Variants in GRHL2 observed in about 807,000 individuals in gnomAD.
GRHL2 encodes grainyhead-like protein 2 homolog.
In GRHL2, 21 loss-of-function variants were observed where a neutral mutation model predicts 83.8. That is an observed-to-expected ratio of 0.25 (90% CI 0.18 to 0.36). GRHL2 has a LOEUF of 0.36. GRHL2 is among the 10% of genes least tolerant of loss of function. The pLI is 1.00. For missense variants in GRHL2, 623 were observed against 781.8 expected (o/e 0.80, Z 2.42); for synonymous variants, 280 against 278.9 (o/e 1.00, Z -0.04).
At chr8:101,633,654 T>C (rs1813230731) in intron 11 of GRHL2, among the ~76,000 whole-genome samples, 1 of 152,194 alleles carries the variant, frequency 6.6e-6, no homozygotes. Flanking sequence ...CCAGTCTTAC[T>C]TGTTGGATAA....
chr8:101,493,302 C>G (rs552217504), intron 1 of GRHL2, among the ~76,000 whole-genome samples: 1 of 152,194 alleles, frequency 6.6e-6, no homozygotes, highest in South Asian at 2.1e-4. Context: ...CTTCTCGCAC[C>G]GGGCAGGAGG....
At chr8:101,632,931 A>AT (rs1288457985) in intron 11 of GRHL2, among the ~76,000 whole-genome samples, 1 of 152,248 alleles carries the variant, frequency 6.6e-6, no homozygotes, top group East Asian at 1.9e-4. Context: ...TCAAACTAAC[A>AT]TAAATGTCCA....
At chr8:101,505,014 CA>C (rs1004580800) in intron 1 of GRHL2, among the ~76,000 whole-genome samples, 14 of 142,826 alleles carry the variant, frequency 9.8e-5, no homozygotes, top group African/African-American at 3.1e-4. Flanking sequence ...AATACAACAA[CA>C]AAAAAAAGGT....
At position 101,627,564 on chromosome 8, in the gene GRHL2, T is replaced by C. The variant is rs572090693; in HGVS notation, c.1258-4073T>C. On this transcript the variant is annotated intron_variant, in intron 9 of 15. Coordinates refer to ENST00000646743, the MANE Select transcript of GRHL2 (RefSeq NM_024915.4). ...ATGAAACCAAGCCAATGAATAAACC[T>C]ACAACGGCCCCTGAGTGTTCAAGTG... is the stretch of plus-strand genomic sequence containing the variant. Among the ~76,000 whole-genome samples the C allele has an allele frequency of 2.0e-5, 3 of 152,194 alleles. No homozygotes were observed. The South Asian group carries it at 6.2e-4, about 32-fold the overall frequency.
chr8:101,662,294 G>T (rs1393071756), intron 14 of GRHL2, among the ~76,000 whole-genome samples: 1 of 152,194 alleles, frequency 6.6e-6, no homozygotes, highest in African/African-American at 2.4e-5. Context: ...AATCTCATCA[G>T]TGATGGATTA....
At chr8:101,584,397 C>A (rs1404604568) in intron 7 of GRHL2, among the ~76,000 whole-genome samples, 1 of 152,020 alleles carries the variant, frequency 6.6e-6, no homozygotes, top group Non-Finnish European at 1.5e-5. Context: ...CAAAGCATTT[C>A]TTCACGTTTG....
chr8:101,599,211 T>A (rs1332189422), intron 8 of GRHL2, 60 bp downstream of exon 8: 13 of 1,148,674 alleles, frequency 1.1e-5, no homozygotes, highest in Non-Finnish European at 1.7e-5. Flanking sequence ...CAGCAGTTTA[T>A]TCTTTTTTAA....
At chr8:101,536,027 C>T (rs1811039154) in intron 1 of GRHL2, among the ~76,000 whole-genome samples, 1 of 152,078 alleles carries the variant, frequency 6.6e-6, no homozygotes, top group Non-Finnish European at 1.5e-5. Flanking sequence ...TTGATAAGAG[C>T]ACAATTTAGA....
At chr8:101,635,012 T>C (rs1269264907) in intron 11 of GRHL2, among the ~76,000 whole-genome samples, 2 of 152,164 alleles carry the variant, frequency 1.3e-5, no homozygotes, top group Non-Finnish European at 2.9e-5. Context: ...TGCAGCGGCA[T>C]CATCTTTTTA....
chr8:101,632,189 G>A (rs1813198417), intron 10 of GRHL2, 37 bp from the exon 11 acceptor site: 1 of 1,612,162 alleles, frequency 6.2e-7, no homozygotes, highest in East Asian at 2.2e-5. Context: ...AGTCATATAT[G>A]ACTCTCTCAT....
intron 5 of GRHL2, among the ~76,000 whole-genome samples, chr8:101,572,564 C>A (rs1225957972): frequency 6.6e-6 from 1 of 152,078 alleles, no homozygotes; most frequent in Non-Finnish European, 1.5e-5. Context: ...CTTCCAACGA[C>A]TATGAAATAA....
intron 14 of GRHL2, among the ~76,000 whole-genome samples, chr8:101,652,541 G>A (rs1586173608): frequency 9.5e-6 from 1 of 105,360 alleles, no homozygotes; most frequent in African/African-American, 5.4e-5. Context: ...TGGTGTGTGT[G>A]TGTGTGGTGT....
intron 1 of GRHL2, among the ~76,000 whole-genome samples, chr8:101,537,805 CACAA>C (rs1440847156): frequency 6.6e-6 from 1 of 152,174 alleles, no homozygotes; most frequent in African/African-American, 2.4e-5. Context: ...TTCCATAAAA[CACAA>C]ACAAACCAAT....
intron 4 of GRHL2, among the ~76,000 whole-genome samples, chr8:101,569,324 A>G (rs1395564998): frequency 6.6e-6 from 1 of 152,202 alleles, no homozygotes; most frequent in Non-Finnish European, 1.5e-5. Flanking sequence ...TAGTTTCCCC[A>G]GAAAACCTAC....
At chr8:101,579,102 A>G (rs1321530171) in intron 7 of GRHL2, among the ~76,000 whole-genome samples, 1 of 152,188 alleles carries the variant, frequency 6.6e-6, no homozygotes, top group Non-Finnish European at 1.5e-5. Flanking sequence ...AAACTAAACC[A>G]AGACCTGGTG....
chr8:101,609,740 A>G (rs1424445818), intron 8 of GRHL2, among the ~76,000 whole-genome samples: 2 of 150,944 alleles, frequency 1.3e-5, no homozygotes, highest in Non-Finnish European at 2.9e-5. Flanking sequence ...CATTTGTGTA[A>G]AATAGGAAAT....
At chr8:101,522,405 C>T (rs1810703738) in intron 1 of GRHL2, among the ~76,000 whole-genome samples, 1 of 152,128 alleles carries the variant, frequency 6.6e-6, no homozygotes, top group African/African-American at 2.4e-5. Context: ...GTAGGATGTG[C>T]ATGGGTTATA....
chr8:101,647,349 C>T (rs373389454), intron 13 of GRHL2, among the ~76,000 whole-genome samples: 24 of 152,194 alleles, frequency 1.6e-4, no homozygotes, highest in East Asian at 1.9e-4. Flanking sequence ...TGGGTGACAG[C>T]GAGACTCTGT....
chr8:101,530,034 T>C (rs755049918), intron 1 of GRHL2, among the ~76,000 whole-genome samples: 7 of 152,218 alleles, frequency 4.6e-5, no homozygotes, highest in Non-Finnish European at 8.8e-5. Flanking sequence ...CGGACTCCTC[T>C]GTATTTAAGA....
Sources: allele counts gnomAD v4.1 joint callset (sites outside exome capture counted in the v4.1 genomes callset), GRCh38; gene constraint gnomAD v4.1.1; transcripts MANE v1.5; gene names NCBI Gene and HGNC (gene_info 2026-07-23, HGNC 2026-07-21).